Variants in RALGPS2 observed in about 807,000 individuals in gnomAD.
The protein encoded by RALGPS2 is Ral GEF with PH domain and SH3 binding motif 2.
In RALGPS2, 43 loss-of-function variants were observed where a neutral mutation model predicts 86.8. That is an observed-to-expected ratio of 0.50 (90% CI 0.39 to 0.64). The LOEUF (loss-of-function observed/expected upper bound fraction) is 0.64, where lower values mean the gene tolerates loss of function less well. Ranked by LOEUF, RALGPS2 falls within the 30% of genes least tolerant of loss-of-function variation. RALGPS2 has a pLI of 0.00. For missense variants in RALGPS2, 536 were observed against 694.6 expected, an observed-to-expected ratio of 0.77 and a Z score of 2.57; for synonymous variants, 243 against 231.3, an observed-to-expected ratio of 1.05 and a Z score of -0.46.
At chr1:178,761,502 T>C (rs139617688) in intron 1 of RALGPS2, among the ~76,000 whole-genome samples, 48 of 152,252 alleles carry the variant, frequency 3.2e-4, no homozygotes, top group African/African-American at 1.1e-3. Flanking sequence ...CTCTAAGCTC[T>C]GAAATTCTTT....
At chr1:178,754,074 G>A (rs537060081) in intron 1 of RALGPS2, among the ~76,000 whole-genome samples, 1,974 of 151,686 alleles carry the variant, frequency 0.013, 18 homozygotes, top group Non-Finnish European at 0.02. Context: ...CGCCCGCCTC[G>A]GCCTCCCAAA....
At chr1:178,909,880 ACCTCGTGAT>A (rs1349344191) in intron 19 of RALGPS2, among the ~76,000 whole-genome samples, 2 of 151,622 alleles carry the variant, frequency 1.3e-5, no homozygotes, top group Non-Finnish European at 2.9e-5. Flanking sequence ...CGATCTCCTG[ACCTCGTGAT>A]CCACCCACCT....
intron 8 of RALGPS2, chr1:178,870,847 A>G (rs1658713636): frequency 6.6e-6 from 1 of 152,142 alleles, no homozygotes; most frequent in African/African-American, 2.4e-5. Flanking sequence ...TGGCAGCTGC[A>G]TTTTTGTTTT....
At chr1:178,829,332 G>T (rs1341532086) in intron 7 of RALGPS2, among the ~76,000 whole-genome samples, 2 of 152,166 alleles carry the variant, frequency 1.3e-5, no homozygotes, top group Non-Finnish European at 2.9e-5. Context: ...ACCAGTGCTG[G>T]TCCATGGCCT....
At chr1:178,913,082 G>A (rs752193433) in intron 19 of RALGPS2, among the ~76,000 whole-genome samples, 7 of 152,026 alleles carry the variant, frequency 4.6e-5, no homozygotes, top group Non-Finnish European at 1.0e-4. Context: ...AGGAGTTCGG[G>A]ACCAGCCCGG....
In RALGPS2 at chr1:178,814,729, T is replaced by C. The variant is rs561229627; in HGVS notation, c.387+3325T>C. 4.6e-5 allele frequency among the ~76,000 whole-genome samples: 7 copies of C among 152,170 alleles called. No homozygotes were observed. In the South Asian group the frequency reaches 1.5e-3, roughly 32 times the overall value. On this transcript the variant is annotated intron_variant, in intron 6 of 19. Transcript: ENST00000367635. ...CCTCCCAAAGTGCTGGGATTACAAG[T>C]GTGAGCTACTGTACCTGTCCCCTCG...
At chr1:178,894,876 C>A (rs1039872563) in intron 16 of RALGPS2, among the ~76,000 whole-genome samples, 3 of 151,652 alleles carry the variant, frequency 2.0e-5, no homozygotes, top group Admixed American at 2.0e-4. Context: ...TCTTAGAGAA[C>A]CCTGAAAGTA....
At chr1:178,901,046 G>T (rs1169686107) in intron 17 of RALGPS2, among the ~76,000 whole-genome samples, 1 of 152,018 alleles carries the variant, frequency 6.6e-6, no homozygotes, top group East Asian at 1.9e-4. Flanking sequence ...ATTCTTCACA[G>T]TAGTAAAACT....
intron 4 of RALGPS2, among the ~76,000 whole-genome samples, chr1:178,798,429 G>C (rs1426642965): frequency 6.6e-6 from 1 of 152,068 alleles, no homozygotes; most frequent in East Asian, 1.9e-4. Flanking sequence ...ACTGTGTTTA[G>C]TGCAATATCC....
intron 4 of RALGPS2, among the ~76,000 whole-genome samples, chr1:178,797,806 C>A (rs1654267243): frequency 6.6e-6 from 1 of 152,060 alleles, no homozygotes; most frequent in Non-Finnish European, 1.5e-5. Context: ...AGATCTCTCC[C>A]TGTGCTACCT....
chr1:178,786,485 A>T (rs1164360960), intron 4 of RALGPS2, among the ~76,000 whole-genome samples: 1 of 152,026 alleles, frequency 6.6e-6, no homozygotes, highest in Non-Finnish European at 1.5e-5. Context: ...GACTGGCGTT[A>T]TGCATCTATC....
rs1475745109 is a variant in RALGPS2, at chr1:178,877,452, C to T, written c.608-46C>T. ...CCCCCCTTTTCTTTGTCATAGTCTC[C>T]CAACCTACAACTAAGAAAACGTTCA... is the stretch of plus-strand genomic sequence containing the variant. On this transcript the variant is annotated intron_variant, in intron 8 of 19. Transcript: ENST00000367635. 3.7e-6 allele frequency: 6 copies of T among 1,606,372 alleles called. No homozygotes were observed. The South Asian group carries it at 6.6e-5, about 18-fold the overall frequency.
intron 7 of RALGPS2, 134 bp downstream of exon 7, chr1:178,821,838 A>G (rs968108139): frequency 4.1e-6 from 3 of 725,482 alleles, no homozygotes; most frequent in African/African-American, 3.6e-5. Context: ...TTTGTACTCT[A>G]TTCTTTGATA....
intron 1 of RALGPS2, among the ~76,000 whole-genome samples, chr1:178,745,822 CTTTTTTTTTTTT>C (rs34277622): frequency 1.0e-3 from 86 of 86,114 alleles, no homozygotes; most frequent in Middle Eastern, 8.2e-3. Flanking sequence ...TTCAATTCTT[CTTTTTTTTTTTT>C]TTTTTTTTTT....
At chr1:178,754,422 G>A (rs991890635) in intron 1 of RALGPS2, among the ~76,000 whole-genome samples, 3 of 152,066 alleles carry the variant, frequency 2.0e-5, no homozygotes, top group East Asian at 3.9e-4. Context: ...CAGGAGAGCC[G>A]GTGGTATAAG....
chr1:178,835,034 TC>T (rs1656207304), intron 8 of RALGPS2, among the ~76,000 whole-genome samples: 2 of 152,352 alleles, frequency 1.3e-5, no homozygotes, highest in South Asian at 4.1e-4. Flanking sequence ...CATCTCAGTC[TC>T]CCAAAGTGCT....
In RALGPS2 at chr1:178,833,433, C is replaced by T. The variant is rs1490060494; in HGVS notation, c.490C>T (p.Arg164Ter). Residue 164 changes from arginine to a stop codon, truncating the protein, a stop_gained, in exon 8 of 20, where the codon CGA (arginine) becomes TGA (stop). Transcript: ENST00000367635. LOFTEE classifies it high-confidence loss of function. ...RLTKTWALLS[R>*]KDKTTFEKLE... ...TCTGTTTGTTTTTTAGTTATTAAGT[C>T]GAAAAGACAAAACTACCTTTGAAAA... The T allele has an allele frequency of 6.7e-7, 1 of 1,501,690 alleles. No homozygotes were observed. The highest frequency in any genetic ancestry group is 8.8e-7 in the Non-Finnish European group (1 of 1,138,106). 93.0% of individuals were successfully genotyped at this position (1,501,690 alleles called of 1,614,324 possible).
chr1:178,738,977 A>G (rs1650874186), intron 1 of RALGPS2, among the ~76,000 whole-genome samples: 1 of 152,232 alleles, frequency 6.6e-6, no homozygotes, highest in African/African-American at 2.4e-5. Flanking sequence ...GAATTAGCTT[A>G]CATGACAAAT....
intron 6 of RALGPS2, among the ~76,000 whole-genome samples, chr1:178,813,664 A>G (rs1204281703): frequency 1.3e-5 from 2 of 152,244 alleles, no homozygotes; most frequent in Non-Finnish European, 2.9e-5. Flanking sequence ...GGCTTATACA[A>G]TTGAAGGGAC....
Sources: gnomAD v4.1 joint callset for allele counts (sites outside exome capture counted in the v4.1 genomes callset) on GRCh38, gnomAD v4.1.1 for gene constraint, MANE v1.5 for transcripts, NCBI Gene and HGNC (gene_info 2026-07-23, HGNC 2026-07-21) for gene names.